MAP2K4: variants seen among roughly 807,000 people sequenced by gnomAD.
MAP2K4 encodes mitogen-activated protein kinase kinase 4.
Under a neutral mutation model 48.5 loss-of-function variants are expected in MAP2K4, and 4 were observed. That is an observed-to-expected ratio of 0.08 (90% CI 0.04 to 0.19). The LOEUF is 0.19. Ranked by LOEUF, MAP2K4 falls within the 10% of genes least tolerant of loss-of-function variation. The pLI, the probability that MAP2K4 is intolerant of heterozygous loss-of-function variation, is 1.00. For missense variants in MAP2K4, 258 were observed against 493.3 expected, an observed-to-expected ratio of 0.52 and a Z score of 4.52; for synonymous variants, 166 against 173.1, an observed-to-expected ratio of 0.96 and a Z score of 0.32.
At chr17:12,022,965 G>A (rs529734275) in intron 1 of MAP2K4, among the ~76,000 whole-genome samples, 2 of 152,292 alleles carry the variant, frequency 1.3e-5, no homozygotes, top group South Asian at 4.1e-4. Flanking sequence ...AACTCCTAAG[G>A]CAGTGGTTAG....
intron 6 of MAP2K4, 174 bp from the exon 7 acceptor site, chr17:12,113,059 A>C (rs1205333083): frequency 2.0e-6 from 1 of 501,752 alleles, no homozygotes; most frequent in African/African-American, 1.9e-5. Context: ...CATGTTTAAA[A>C]CATGAATAAT....
intron 2 of MAP2K4, among the ~76,000 whole-genome samples, chr17:12,067,822 A>C (rs1970665679): frequency 6.6e-6 from 1 of 152,238 alleles, no homozygotes; most frequent in Non-Finnish European, 1.5e-5. Flanking sequence ...TCATGTTGAA[A>C]AAAGAGATGT....
chr17:12,117,042 T>G (rs1462406141), intron 7 of MAP2K4, among the ~76,000 whole-genome samples: 2 of 152,172 alleles, frequency 1.3e-5, no homozygotes, highest in Admixed American at 6.5e-5. Flanking sequence ...GTATATGTGG[T>G]CTGTCGTTCA....
chr17:12,119,370 C>A (rs1057034181), intron 7 of MAP2K4, among the ~76,000 whole-genome samples: 1 of 152,268 alleles, frequency 6.6e-6, no homozygotes, highest in Middle Eastern at 3.4e-3. Context: ...GACATGCATG[C>A]ATCCAACAAG....
rs1372238201 is a variant in MAP2K4 at position 12,113,333 on chromosome 17, A to G, written c.786A>G (p.Arg262=). 1 of 1,613,794 alleles carries G rather than the reference A, an allele frequency of 6.2e-7. No homozygotes were observed. Among genetic ancestry groups the G allele is most frequent in the Non-Finnish European group, 8.5e-7 (1 of 1,179,760 alleles). The change falls in exon 7 of 11, where the codon AGA becomes AGG. Residue 262 remains arginine (R), a synonymous_variant. Transcript: ENST00000353533. ...GQLVDSIAKT[R]DAGCRPYMAP... ...TTGTGGACTCTATTGCCAAGACAAGAGATGCTGGCTGTAGGCCATACATGG... is the reference window on the plus strand; with the variant it reads ...TTGTGGACTCTATTGCCAAGACAAGGGATGCTGGCTGTAGGCCATACATGG...
intron 3 of MAP2K4, among the ~76,000 whole-genome samples, chr17:12,087,648 A>G (rs751074144): frequency 2.8e-4 from 42 of 152,104 alleles, no homozygotes; most frequent in Non-Finnish European, 4.6e-4. Context: ...TGGGGCTAAG[A>G]TACAACTGAG....
intron 10 of MAP2K4, 104 bp from the exon 11 acceptor site, chr17:12,141,043 G>A: frequency 1.4e-6 from 1 of 705,442 alleles, no homozygotes; most frequent in Non-Finnish European, 2.6e-6. Flanking sequence ...TCATAGCTAT[G>A]TGTGGTTGGG....
At chr17:12,046,345 G>A (rs1054826282) in intron 1 of MAP2K4, among the ~76,000 whole-genome samples, 4 of 152,026 alleles carry the variant, frequency 2.6e-5, no homozygotes, top group Admixed American at 6.6e-5. Context: ...GGGTTATTTC[G>A]GATAAGCTTT....
chr17:12,115,743 C>G, intron 7 of MAP2K4: 1 of 766,450 alleles, frequency 1.3e-6, no homozygotes, highest in Non-Finnish European at 2.4e-6. Context: ...TACATTGTGA[C>G]CTGTGTAATT....
chr17:12,044,232 T>C (rs1316026257), intron 1 of MAP2K4, among the ~76,000 whole-genome samples: 1 of 152,230 alleles, frequency 6.6e-6, no homozygotes, highest in Non-Finnish European at 1.5e-5. Flanking sequence ...TTTGAATCTA[T>C]CTGGGAAAAA....
rs978668162 is a variant in MAP2K4, at chr17:12,020,945, C to T, written c.59C>T (p.Thr20Ile). The T allele has an allele frequency of 8.2e-5, 100 of 1,217,078 alleles. No individual in the cohort carries two copies. The highest frequency in any genetic ancestry group is 9.7e-5 in the Non-Finnish European group (95 of 978,756). 75.4% of individuals were successfully genotyped at this position (1,217,078 alleles called of 1,614,324 possible). A position where few individuals can be genotyped will look rare whatever the true frequency, so the allele number is the denominator to read the frequency against. Residue 20 changes from threonine to isoleucine, a missense_variant, in exon 1 of 11, where the codon ACC (threonine) becomes ATC (isoleucine). Thr to Ile is a moderately conservative substitution (Grantham distance 89). Around this residue, in one of 3 missense-constraint regions of MAP2K4, gnomAD observed 69 missense variants for 56.2 expected, o/e 1.23. Coordinates refer to ENST00000353533, the MANE Select transcript of MAP2K4 (RefSeq NM_003010.4). ...TCCGGGGGCGGCAGCGGCAGCGGCA[C>T]CCCCGGCCCCGTAGGGTCCCCGGCG... ...GGSGGGSGSG[T>I]PGPVGSPAPG...
intron 3 of MAP2K4, among the ~76,000 whole-genome samples, chr17:12,094,560 C>T (rs926432041): frequency 3.3e-5 from 5 of 152,044 alleles, no homozygotes; most frequent in Admixed American, 1.3e-4. Context: ...TACACAGTGG[C>T]GTGATGTGAC....
chr17:12,032,952 C>G (rs1016935918), intron 1 of MAP2K4, among the ~76,000 whole-genome samples: 2 of 152,152 alleles, frequency 1.3e-5, no homozygotes, highest in African/African-American at 4.8e-5. Context: ...CCTCCTGTCT[C>G]AGCCTCCTGA....
chr17:12,022,452 G>C (rs972683600), intron 1 of MAP2K4, among the ~76,000 whole-genome samples: 11 of 152,140 alleles, frequency 7.2e-5, no homozygotes, highest in Non-Finnish European at 5.9e-5. Flanking sequence ...TTACAATTTA[G>C]GTGGTGGTGG....
chr17:12,089,626 G>A lies in MAP2K4; in HGVS notation c.394-5949G>A, dbSNP rs147206709. On this transcript the variant is annotated intron_variant, in intron 3 of 10. Transcript: ENST00000353533. ...TCCTAACTTCTCTAAGCAGCTACAG[G>A]TGTACCTGTGCAGCAGGGAGATGTA... 1.9e-3 allele frequency among the ~76,000 whole-genome samples: 290 copies of A among 152,198 alleles called. 1 individual carries two copies. Among genetic ancestry groups the A allele is most frequent in the African/African-American group, 6.7e-3 (278 of 41,520 alleles).
chr17:12,074,372 G>T (rs545462997), intron 2 of MAP2K4, among the ~76,000 whole-genome samples: 3 of 152,034 alleles, frequency 2.0e-5, no homozygotes, highest in Non-Finnish European at 4.4e-5. Flanking sequence ...TTTGAGTTTT[G>T]TTCTTTGGTT....
At chr17:12,125,218 A>C (rs552530500) in intron 7 of MAP2K4, 76 bp from the exon 8 acceptor site, 1 of 1,041,426 alleles carries the variant, frequency 9.6e-7, no homozygotes, top group African/African-American at 1.6e-5. Flanking sequence ...TTGGCTGTCT[A>C]CCCAGCTGTT....
intron 1 of MAP2K4, among the ~76,000 whole-genome samples, chr17:12,039,121 A>G (rs112991800): frequency 2.6e-5 from 4 of 152,328 alleles, no homozygotes; most frequent in South Asian, 2.1e-4. Flanking sequence ...GTGAAAACCT[A>G]AAACTCTCCT....
intron 1 of MAP2K4, among the ~76,000 whole-genome samples, chr17:12,026,054 C>G (rs1476186125): frequency 2.0e-5 from 3 of 152,154 alleles, no homozygotes; most frequent in Admixed American, 1.3e-4. Flanking sequence ...AGTCCCCCCT[C>G]AAAGCTCAGA....
Sources: gnomAD v4.1 joint callset for allele counts (sites outside exome capture counted in the v4.1 genomes callset) on GRCh38, gnomAD v4.1.1 for gene constraint, gnomAD v4.1.1 regional missense constraint, MANE v1.5 for transcripts, NCBI Gene and HGNC (gene_info 2026-07-23, HGNC 2026-07-21) for gene names.